EPHB1: variants seen among roughly 807,000 people sequenced by gnomAD.
EPHB1 encodes the protein EPH receptor B1.
In EPHB1, 30 loss-of-function variants were observed where a neutral mutation model predicts 94.4. The ratio of observed to expected loss-of-function variants is 0.32; its 90% CI spans 0.24 to 0.43. The LOEUF is 0.43. Among genes scored for constraint, EPHB1 ranks in the 20% least tolerant of loss-of-function variants. The pLI is 1.00. For missense variants in EPHB1, 1,055 were observed against 1,308.3 expected (o/e 0.81, Z 2.99); for synonymous variants, 522 against 489.1 (o/e 1.07, Z -0.89).
In EPHB1 at chr3:134,849,762, A is replaced by G. The variant is rs75128109; in HGVS notation, c.58+54073A>G. On this transcript the variant is annotated intron_variant, in intron 1 of 15. Transcript: ENST00000398015. Reference sequence around the variant, plus strand: ...AGCCCTCGCATGGCTGCCTCTTGAGATGCACTCTAGGCTGGGCCACCCCAG... The same window carrying G: ...AGCCCTCGCATGGCTGCCTCTTGAGGTGCACTCTAGGCTGGGCCACCCCAG... Among the ~76,000 whole-genome samples, 1,471 of 152,262 alleles carry G rather than the reference A, an allele frequency of 9.7e-3. 22 individuals carry two copies. Among genetic ancestry groups the G allele is most frequent in the South Asian group, 0.053 (256 of 4,828 alleles).
chr3:135,025,453 T>C (rs1936130670), intron 3 of EPHB1, among the ~76,000 whole-genome samples: 1 of 91,860 alleles, frequency 1.1e-5, no homozygotes, highest in African/African-American at 3.7e-5. Context: ...TGAGTGAGAA[T>C]ATGCGGTGTT....
chr3:134,816,695 C>T (rs1239936092), intron 1 of EPHB1, among the ~76,000 whole-genome samples: 1 of 152,094 alleles, frequency 6.6e-6, no homozygotes, highest in African/African-American at 2.4e-5. Flanking sequence ...CTTGCCAATA[C>T]CTTGTCTGGC....
chr3:134,967,075 A>G (rs1933782207), intron 3 of EPHB1, among the ~76,000 whole-genome samples: 1 of 152,190 alleles, frequency 6.6e-6, no homozygotes, highest in African/African-American at 2.4e-5. Context: ...GAGAGCTGTG[A>G]GGCAGAGGGA....
chr3:135,022,771 A>G (rs1447568791), intron 3 of EPHB1, among the ~76,000 whole-genome samples: 2 of 152,216 alleles, frequency 1.3e-5, no homozygotes, highest in Non-Finnish European at 2.9e-5. Context: ...ACAATAATGT[A>G]GAGAACTTTG....
At chr3:134,869,268 C>G (rs978486820) in intron 1 of EPHB1, among the ~76,000 whole-genome samples, 3 of 152,204 alleles carry the variant, frequency 2.0e-5, no homozygotes, top group Admixed American at 2.0e-4. Context: ...GGGAATTTAT[C>G]AACAGTACAC....
At chr3:134,888,032 G>A (rs867488300) in intron 1 of EPHB1, among the ~76,000 whole-genome samples, 7 of 152,162 alleles carry the variant, frequency 4.6e-5, no homozygotes, top group Admixed American at 2.0e-4. Flanking sequence ...CCCAAGGAGC[G>A]AGGGGTCAGT....
chr3:135,119,666 G>A (rs1000418725), intron 4 of EPHB1, among the ~76,000 whole-genome samples: 8 of 151,948 alleles, frequency 5.3e-5, no homozygotes, highest in East Asian at 1.9e-4. Context: ...TGGCCAGACC[G>A]GTCTCAAACT....
intron 4 of EPHB1, among the ~76,000 whole-genome samples, chr3:135,110,282 G>A (rs1939389542): frequency 6.6e-6 from 1 of 152,100 alleles, no homozygotes; most frequent in Admixed American, 6.5e-5. Flanking sequence ...CAAATGCAAT[G>A]GGCTTCCCTC....
intron 3 of EPHB1, among the ~76,000 whole-genome samples, chr3:134,980,571 G>T (rs771511310): frequency 1.3e-5 from 2 of 152,182 alleles, no homozygotes; most frequent in Non-Finnish European, 2.9e-5. Context: ...GAAAGTAAAC[G>T]AGCAAGATAA....
At chr3:135,083,178 C>T (rs868692970) in intron 3 of EPHB1, among the ~76,000 whole-genome samples, 10 of 152,086 alleles carry the variant, frequency 6.6e-5, no homozygotes, top group South Asian at 6.2e-4. Context: ...ATTGGAGCAG[C>T]TGTAGAAAGT....
At chr3:135,180,128 T>C (rs1168028570) in intron 10 of EPHB1, 146 bp downstream of exon 10, 1 of 953,766 alleles carries the variant, frequency 1.0e-6, no homozygotes, top group African/African-American at 1.7e-5. Context: ...GTCTGAACTA[T>C]CTACATGTGT....
At chr3:134,912,147 A>G (rs945828570) in intron 1 of EPHB1, among the ~76,000 whole-genome samples, 2 of 152,172 alleles carry the variant, frequency 1.3e-5, no homozygotes, top group African/African-American at 4.8e-5. Flanking sequence ...GCTCTTCTCC[A>G]GGGTGATTGA....
intron 1 of EPHB1, among the ~76,000 whole-genome samples, chr3:134,895,225 C>T (rs928028436): frequency 2.0e-5 from 3 of 152,136 alleles, no homozygotes; most frequent in African/African-American, 7.2e-5. Flanking sequence ...CTTTCCAGCT[C>T]AGCTTGGCCC....
intron 3 of EPHB1, among the ~76,000 whole-genome samples, chr3:135,014,649 A>G (rs150797225): frequency 6.6e-6 from 1 of 152,328 alleles, no homozygotes; most frequent in Non-Finnish European, 1.5e-5. Context: ...GCTGCAGACC[A>G]GTGGAGGACA....
rs530305262 is a variant in EPHB1 at position 134,969,950 on chromosome 3, G to T, written c.805+17898G>T. ...CTCTAGAAAGAAAGGGCATGATTTT[G>T]ATTTTAAAAATCAAAACTTGAAAGT... On this transcript the variant is annotated intron_variant, in intron 3 of 15. Transcript: ENST00000398015. 2.6e-5 allele frequency among the ~76,000 whole-genome samples: 4 copies of T among 152,234 alleles called. No homozygotes were observed. The South Asian group carries it at 6.2e-4, about 24-fold the overall frequency.
Position 135,139,063 on chromosome 3 carries a change from G to A in EPHB1, c.1297+6014G>A, listed in dbSNP as rs16842666. 4.1e-3 allele frequency among the ~76,000 whole-genome samples: 632 copies of A among 152,296 alleles called. 5 individuals are homozygous for A. Among genetic ancestry groups the A allele is most frequent in the African/African-American group, 0.014 (592 of 41,556 alleles). ...CCACCAGTTTCCTGAGAGAGCAGCC[G>A]CACAATGCCAGGCACAGAGAGCCTT... On this transcript the variant is annotated intron_variant, in intron 5 of 15. Coordinates refer to ENST00000398015, the MANE Select transcript of EPHB1 (RefSeq NM_004441.5).
chr3:135,070,672 T>C (rs1233872587), intron 3 of EPHB1, among the ~76,000 whole-genome samples: 1 of 152,208 alleles, frequency 6.6e-6, no homozygotes, highest in Admixed American at 6.5e-5. Context: ...GAAAAAATAA[T>C]ACACAGTAAC....
intron 12 of EPHB1, among the ~76,000 whole-genome samples, chr3:135,222,212 C>A (rs1943291473): frequency 6.6e-6 from 1 of 152,244 alleles, no homozygotes; most frequent in Middle Eastern, 3.4e-3. Context: ...AAGATTGGAT[C>A]ATAATAAATA....
chr3:135,103,176 A>C (rs948751621), intron 3 of EPHB1, among the ~76,000 whole-genome samples: 1 of 152,214 alleles, frequency 6.6e-6, no homozygotes, highest in Non-Finnish European at 1.5e-5. Context: ...TTAATAAATG[A>C]ATTTAGGAAT....
Sources: gnomAD v4.1 joint callset for allele counts (sites outside exome capture counted in the v4.1 genomes callset) on GRCh38, gnomAD v4.1.1 for gene constraint, MANE v1.5 for transcripts, NCBI Gene and HGNC (gene_info 2026-07-23, HGNC 2026-07-21) for gene names.